Variants in ZFHX4 observed in about 807,000 individuals in gnomAD.
The protein encoded by ZFHX4 is zinc finger homeobox 4, also known as zinc finger homeobox protein 4.
In ZFHX4, 56 loss-of-function variants were observed where a neutral mutation model predicts 267.6. The observed-to-expected ratio is 0.21, with a 90% confidence interval of 0.17 to 0.26. ZFHX4 has a LOEUF of 0.26. Ranked by LOEUF, ZFHX4 falls within the 10% of genes least tolerant of loss-of-function variation. The pLI is 1.00. For synonymous variants in ZFHX4, 1,778 were observed against 1,665.6 expected (o/e 1.07, Z -1.64); for missense variants, 4,332 against 4,420.0 (o/e 0.98, Z 0.56).
At chr8:76,862,369 A>G (rs1266339458) in intron 10 of ZFHX4, among the ~76,000 whole-genome samples, 1 of 152,198 alleles carries the variant, frequency 6.6e-6, no homozygotes, top group Non-Finnish European at 1.5e-5. Context: ...GACTGTTAAT[A>G]TATGCAGTTC....
intron 4 of ZFHX4, among the ~76,000 whole-genome samples, chr8:76,822,251 T>C (rs1055065705): frequency 1.3e-5 from 2 of 152,128 alleles, no homozygotes; most frequent in Non-Finnish European, 2.9e-5. Flanking sequence ...TTAGACCCAT[T>C]GGCAAGTCCT....
At chr8:76,736,267 AG>A (rs1054294106) in intron 3 of ZFHX4, among the ~76,000 whole-genome samples, 12 of 152,070 alleles carry the variant, frequency 7.9e-5, no homozygotes, top group African/African-American at 2.7e-4. Flanking sequence ...TAAGCTGTTA[AG>A]TCAAGCCTTG....
chr8:76,775,895 C>CTTTT (rs904035424), intron 3 of ZFHX4, among the ~76,000 whole-genome samples: 31 of 122,472 alleles, frequency 2.5e-4, no homozygotes, highest in African/African-American at 7.3e-4. Context: ...AGTAAGTTTT[C>CTTTT]TTTTTTTTTT....
intron 3 of ZFHX4, 109 bp from the exon 4 acceptor site, chr8:76,778,099 T>A: frequency 1.4e-6 from 1 of 726,892 alleles, no homozygotes; most frequent in Non-Finnish European, 2.5e-6. Flanking sequence ...AAAAATGCAT[T>A]TGAGCATCTG....
intron 3 of ZFHX4, among the ~76,000 whole-genome samples, chr8:76,716,790 T>G (rs1161831114): frequency 6.6e-6 from 1 of 152,244 alleles, no homozygotes; most frequent in Non-Finnish European, 1.5e-5. Context: ...TGTTAGCTGC[T>G]GTATGTCCTG....
chr8:76,779,970 T>A (rs1254124427), intron 4 of ZFHX4, among the ~76,000 whole-genome samples: 8 of 151,998 alleles, frequency 5.3e-5, no homozygotes, highest in African/African-American at 1.4e-4. Flanking sequence ...CTAAGGCATA[T>A]GATGTGAACA....
chr8:76,788,213 T>A (rs1810743291), intron 4 of ZFHX4, among the ~76,000 whole-genome samples: 2 of 152,200 alleles, frequency 1.3e-5, no homozygotes, highest in African/African-American at 2.4e-5. Flanking sequence ...AGGAACCACA[T>A]GCTCATAGTC....
chr8:76,737,317 G>A (rs1321314381), intron 3 of ZFHX4, among the ~76,000 whole-genome samples: 3 of 152,094 alleles, frequency 2.0e-5, no homozygotes, highest in Non-Finnish European at 4.4e-5. Context: ...CATTTAAAAA[G>A]CTTGTGCATT....
intron 4 of ZFHX4, among the ~76,000 whole-genome samples, chr8:76,806,455 C>G (rs2131836535): frequency 6.6e-6 from 1 of 152,112 alleles, no homozygotes; most frequent in Middle Eastern, 3.4e-3. Flanking sequence ...GGATTAATGA[C>G]ACAGAAAAAA....
chr8:76,715,535 C>A (rs939199365), intron 3 of ZFHX4, among the ~76,000 whole-genome samples: 5 of 129,676 alleles, frequency 3.9e-5, no homozygotes, highest in Non-Finnish European at 6.6e-5. Flanking sequence ...CTAATTACAA[C>A]TACCATCCAC....
rs755881840 is a variant in ZFHX4, at chr8:76,855,614, G to A, written c.8693G>A (p.Arg2898His). The change falls in exon 10 of 11, where the codon CGC (arginine) becomes CAC (histidine). Residue 2898 changes from arginine to histidine, a missense_variant. Physicochemically the swap from Arg to His is conservative, Grantham distance 29 (BLOSUM62 0). Transcript: ENST00000651372. ...ITDDPDDNADRSETSSIADPS... is the reference protein window; with the variant it reads ...ITDDPDDNADHSETSSIADPS... ...GATGACCCGGATGACAACGCCGACC[G>A]CAGCGAAACGTCCAGCATAGCGGAC... 35 of 1,613,552 alleles carry A rather than the reference G, an allele frequency of 2.2e-5. No homozygotes were observed. The highest frequency in any genetic ancestry group is 2.7e-5 in the Non-Finnish European group (32 of 1,179,736).
Position 76,853,948 on chromosome 8 carries a change from G to A in ZFHX4, c.7027G>A (p.Ala2343Thr). The change falls in exon 10 of 11, where the codon GCC (alanine) becomes ACC (threonine). Residue 2343 changes from alanine to threonine, a missense_variant. By Grantham distance (58) the Ala-to-Thr change is moderately conservative (BLOSUM62 0). Coordinates refer to ENST00000651372, the MANE Select transcript of ZFHX4 (RefSeq NM_024721.5). ...KQCYKDEDDD[A>T]QDESQTEDSM... ...GTGTTACAAGGATGAAGATGATGATGCCCAAGATGAAAGCCAAACAGAAGA... is the reference window on the plus strand; with the variant it reads ...GTGTTACAAGGATGAAGATGATGATACCCAAGATGAAAGCCAAACAGAAGA... 6.2e-7 allele frequency: 1 copy of A among 1,613,862 alleles called. No homozygotes were observed. Among genetic ancestry groups the A allele is most frequent in the Non-Finnish European group, 8.5e-7 (1 of 1,179,860 alleles).
intron 3 of ZFHX4, among the ~76,000 whole-genome samples, chr8:76,761,469 A>G (rs561262245): frequency 9.2e-5 from 14 of 152,282 alleles, no homozygotes; most frequent in Middle Eastern, 6.8e-3. Flanking sequence ...AGTGAAATAA[A>G]CTTATATATT....
At chr8:76,702,742 G>C (rs544899489) in intron 1 of ZFHX4, among the ~76,000 whole-genome samples, 1 of 152,280 alleles carries the variant, frequency 6.6e-6, no homozygotes, top group East Asian at 1.9e-4. Context: ...TGGCCTTGAA[G>C]TTATGAGACT....
chr8:76,717,308 C>G (rs986278733), intron 3 of ZFHX4, among the ~76,000 whole-genome samples: 1 of 152,136 alleles, frequency 6.6e-6, no homozygotes, highest in Non-Finnish European at 1.5e-5. Flanking sequence ...CTCTCTCCTC[C>G]TCAAAATTCT....
At chr8:76,736,231 G>A (rs374024918) in intron 3 of ZFHX4, among the ~76,000 whole-genome samples, 34 of 150,946 alleles carry the variant, frequency 2.3e-4, no homozygotes, top group African/African-American at 6.6e-4. Context: ...AAGTGTAGTC[G>A]GACTGACTTG....
chr8:76,797,617 A>T (rs1240654393), intron 4 of ZFHX4, among the ~76,000 whole-genome samples: 1 of 152,182 alleles, frequency 6.6e-6, no homozygotes, highest in Non-Finnish European at 1.5e-5. Flanking sequence ...TACTTGCGTT[A>T]ATCAACTTGT....
intron 3 of ZFHX4, among the ~76,000 whole-genome samples, chr8:76,746,268 A>G (rs1050288341): frequency 6.6e-6 from 1 of 152,084 alleles, no homozygotes; most frequent in Admixed American, 6.6e-5. Flanking sequence ...TTAGCTGGGT[A>G]TGGTTGTGCA....
intron 4 of ZFHX4, among the ~76,000 whole-genome samples, chr8:76,781,808 G>A (rs1810554621): frequency 6.6e-6 from 1 of 152,004 alleles, no homozygotes; most frequent in Non-Finnish European, 1.5e-5. Context: ...TACATTATTA[G>A]GAAAGCAATC....
Sources: allele counts gnomAD v4.1 joint callset (sites outside exome capture counted in the v4.1 genomes callset), GRCh38; gene constraint gnomAD v4.1.1; transcripts MANE v1.5; gene names NCBI Gene and HGNC (gene_info 2026-07-23, HGNC 2026-07-21).